Variants in HECTD4 observed in about 807,000 individuals in gnomAD.
The protein encoded by HECTD4 is probable E3 ubiquitin-protein ligase HECTD4.
In HECTD4, 114 loss-of-function variants were observed where a neutral mutation model predicts 471.5. The observed-to-expected ratio is 0.24, with a 90% CI of 0.21 to 0.28. The LOEUF (loss-of-function observed/expected upper bound fraction) is 0.28, where lower values mean the gene tolerates loss of function less well. Ranked by LOEUF, HECTD4 falls within the 10% of genes least tolerant of loss-of-function variation. The pLI is 1.00. For synonymous variants in HECTD4, 2,012 were observed against 2,256.0 expected (o/e 0.89, Z 3.07); for missense variants, 3,866 against 5,651.5 (o/e 0.68, Z 10.13).
intron 1 of HECTD4, among the ~76,000 whole-genome samples, chr12:112,376,277 C>T (rs918385582): frequency 2.6e-5 from 4 of 151,750 alleles, no homozygotes; most frequent in Non-Finnish European, 5.9e-5. Context: ...GATGGAGTCT[C>T]ACTCTGTGGC....
rs771916532 is a variant in HECTD4 at position 112,306,045 on chromosome 12, C to T, written c.1335+19G>A. Reference sequence around the variant, plus strand: ...AGAAATGTTTCTGCAAAGATACAAGCGAGAAAGTTCAAACTTACCACAAGT... The same window carrying T: ...AGAAATGTTTCTGCAAAGATACAAGTGAGAAAGTTCAAACTTACCACAAGT... On this transcript the variant is annotated intron_variant, in intron 7 of 75. Coordinates refer to ENST00000682272, the MANE Select transcript of HECTD4 (RefSeq NM_001388303.1). 10 of 1,583,048 alleles carry T rather than the reference C, an allele frequency of 6.3e-6. No homozygotes were observed. The highest frequency in any genetic ancestry group is 3.5e-5 in the South Asian group (3 of 84,612).
Position 112,228,331 on chromosome 12 carries a change from A to C in HECTD4, c.6685-73T>G. 1 of 1,367,796 alleles carries C rather than the reference A, an allele frequency of 7.3e-7. No individual in the cohort carries two copies. The highest frequency in any genetic ancestry group is 9.6e-7 in the Non-Finnish European group (1 of 1,042,006). 84.7% of individuals were successfully genotyped at this position (1,367,796 alleles called of 1,614,324 possible). A position where few individuals can be genotyped will look rare whatever the true frequency, so the allele number is the denominator to read the frequency against. ...GTTTATAAGAAATGAGGGTGTTATT[A>C]TTATCTGGAGTTAATTCTTAAATTT... On this transcript the variant is annotated intron_variant, in intron 42 of 75. Coordinates refer to ENST00000682272, the MANE Select transcript of HECTD4 (RefSeq NM_001388303.1). This position sits in a 1 kb window ranked among gnomAD's most constrained non-coding sequence, Gnocchi z 4.9.
At chr12:112,288,956 T>C (rs2034815824) in intron 7 of HECTD4, among the ~76,000 whole-genome samples, 1 of 152,232 alleles carries the variant, frequency 6.6e-6, no homozygotes, top group Non-Finnish European at 1.5e-5. Context: ...AGTAAATAAC[T>C]GAAATACCTT....
intron 1 of HECTD4, among the ~76,000 whole-genome samples, chr12:112,378,815 G>A (rs377043266): frequency 9.2e-4 from 140 of 152,072 alleles, no homozygotes; most frequent in African/African-American, 2.9e-3. Flanking sequence ...AGGCCGAGGC[G>A]GGAGGATCAC....
chr12:112,175,100 G>A (rs2031386305), intron 66 of HECTD4, among the ~76,000 whole-genome samples: 1 of 152,236 alleles, frequency 6.6e-6, no homozygotes, highest in African/African-American at 2.4e-5. Flanking sequence ...GGCAAAGTGT[G>A]ACTCTGAGGA....
At chr12:112,264,520 AC>A (rs2034223904) in intron 16 of HECTD4, among the ~76,000 whole-genome samples, 1 of 152,068 alleles carries the variant, frequency 6.6e-6, no homozygotes, top group African/African-American at 2.4e-5. Flanking sequence ...GAATACTCAA[AC>A]CCTTAAAAGA....
chr12:112,362,245 T>C (rs1178369306), intron 1 of HECTD4, among the ~76,000 whole-genome samples: 3 of 152,254 alleles, frequency 2.0e-5, no homozygotes, highest in East Asian at 3.8e-4. Flanking sequence ...GCTGTCCCCA[T>C]TGATCTGCTA....
chr12:112,233,095 G>A lies in HECTD4; in HGVS notation c.5916-10C>T. 2 of 1,598,284 alleles carry A rather than the reference G, an allele frequency of 1.3e-6. No individual in the cohort carries two copies. Among genetic ancestry groups the A allele is most frequent in the Non-Finnish European group, 1.7e-6 (2 of 1,172,250 alleles). On this transcript the variant is annotated splice_polypyrimidine_tract_variant and intron_variant, in intron 37 of 75. Transcript: ENST00000682272. ...CCGTCCTTCTGAACTACTGAAAAAA[G>A]GCAGGCAGAGAACACAGCACACCTT...
chr12:112,327,735 CAAGT>C (rs1387520890), intron 1 of HECTD4, among the ~76,000 whole-genome samples: 2 of 152,204 alleles, frequency 1.3e-5, no homozygotes, highest in Admixed American at 6.5e-5. Context: ...AATGGTGACA[CAAGT>C]ACCACAGGAA....
In HECTD4 at chr12:112,241,462, GTCT is replaced by G. The variant is rs2135577951; in HGVS notation, c.4959-1438_4959-1436del. On this transcript the variant is annotated intron_variant, in intron 32 of 75. Coordinates refer to ENST00000682272, the MANE Select transcript of HECTD4 (RefSeq NM_001388303.1). ...GAACAGAAGCAAGACCTAAAATTTT[GTCT>G]TCTTCATTTTTTGTGACAAGGTTTT... Among the ~76,000 whole-genome samples, 2 of 152,188 alleles carry G rather than the reference GTCT, an allele frequency of 1.3e-5. 1 individual carries two copies. Among genetic ancestry groups the G allele is most frequent in the South Asian group, 4.1e-4 (2 of 4,820 alleles).
intron 18 of HECTD4, 120 bp downstream of exon 18, chr12:112,261,185 T>C (rs2034138016): frequency 8.9e-7 from 1 of 1,128,020 alleles, no homozygotes; most frequent in South Asian, 2.4e-5. Context: ...TTTTAGCCTA[T>C]TCTCACAAAA....
In HECTD4 at chr12:112,212,350, G is replaced by A. The variant is rs1365883438; in HGVS notation, c.7629+137C>T. The A allele has an allele frequency of 1.9e-5, 13 of 689,394 alleles. No homozygotes were observed. In the South Asian group the frequency reaches 2.4e-4, roughly 13 times the overall value. The allele number at this position is 689,394 out of a possible 1,614,324, so 42.7% of individuals were successfully genotyped here. On this transcript the variant is annotated intron_variant, in intron 49 of 75. Transcript: ENST00000682272. ...AGGAAGACACACACTTGCTCAAGCTGGCTCTGCCCTTCCTCTGCCATTGTG... is the reference window on the plus strand; with the variant it reads ...AGGAAGACACACACTTGCTCAAGCTAGCTCTGCCCTTCCTCTGCCATTGTG...
Position 112,295,820 on chromosome 12 carries a change from T to TAC in HECTD4, c.1335+10243_1335+10244insGT, listed in dbSNP as rs1318160025. 6.1e-5 allele frequency among the ~76,000 whole-genome samples: 9 copies of TAC among 146,804 alleles called. No individual in the cohort carries two copies. In the East Asian group the frequency reaches 1.2e-3, roughly 20 times the overall value. On this transcript the variant is annotated intron_variant, in intron 7 of 75. Transcript: ENST00000682272. ...TTAAATTAAAAAAAAAATATATATA[T>TAC]ATATACACACACACACACACACATA...
Position 112,239,116 on chromosome 12 carries a change from G to A in HECTD4, c.5226C>T (p.Ala1742=), listed in dbSNP as rs777675911. ...SEKQTKKQKV[A]TMAWAAFQVL... ...CCTGGAAGGCAGCCCAGGCCATGGT[G>A]GCCACCTTCTGCTTCTTGGTCTGTT... The change falls in exon 34 of 76, where the codon GCC becomes GCT. Residue 1742 remains alanine, a synonymous_variant. Transcript: ENST00000682272. This position sits in a 1 kb window ranked among gnomAD's most constrained non-coding sequence, Gnocchi z 4.9. 3.2e-5 allele frequency: 52 copies of A among 1,613,888 alleles called. No individual in the cohort carries two copies. In the Admixed American group the frequency reaches 8.5e-4, roughly 26 times the overall value.
chr12:112,299,394 T>C (rs1371605849), intron 7 of HECTD4, among the ~76,000 whole-genome samples: 2 of 151,824 alleles, frequency 1.3e-5, no homozygotes, highest in Admixed American at 1.3e-4. Context: ...GGCAGGAGGA[T>C]CCAATGAGCC....
chr12:112,290,961 G>A (rs913809495), intron 7 of HECTD4, among the ~76,000 whole-genome samples: 9 of 151,292 alleles, frequency 5.9e-5, no homozygotes, highest in Non-Finnish European at 1.0e-4. Flanking sequence ...AATATATCCC[G>A]ATTCTGCTCA....
intron 52 of HECTD4, among the ~76,000 whole-genome samples, chr12:112,206,956 C>T (rs2032604991): frequency 6.6e-6 from 1 of 152,070 alleles, no homozygotes; most frequent in South Asian, 2.1e-4. Flanking sequence ...TAAAAGGGTG[C>T]TGTGATTAGA....
chr12:112,244,623 G>A (rs1322248893), intron 29 of HECTD4, among the ~76,000 whole-genome samples: 1 of 152,144 alleles, frequency 6.6e-6, no homozygotes, highest in African/African-American at 2.4e-5. Context: ...TGCCCACCTT[G>A]GCCTCCCAAA....
chr12:112,207,830 C>T (rs770599219), intron 52 of HECTD4, 44 bp downstream of exon 52: 2 of 1,596,738 alleles, frequency 1.3e-6, no homozygotes, highest in South Asian at 1.1e-5. Flanking sequence ...CTCCTCACTT[C>T]AAGTCATGAA....
Sources: allele counts gnomAD v4.1 joint callset (sites outside exome capture counted in the v4.1 genomes callset), GRCh38; gene constraint gnomAD v4.1.1; non-coding constraint Gnocchi (gnomAD v3.1); transcripts MANE v1.5; gene names NCBI Gene and HGNC (gene_info 2026-07-23, HGNC 2026-07-21).